RNF220: variants seen among roughly 807,000 people sequenced by gnomAD.
RNF220 encodes the protein E3 ubiquitin-protein ligase RNF220.
A neutral mutation model predicts 67.1 loss-of-function variants in RNF220; 7 were observed. The observed-to-expected ratio is 0.10, with a 90% CI of 0.06 to 0.20. RNF220 has a LOEUF of 0.20. RNF220 is among the 10% of genes least tolerant of loss of function. The pLI is 1.00. For synonymous variants in RNF220, 270 were observed against 283.2 expected, an observed-to-expected ratio of 0.95 and a Z score of 0.47; for missense variants, 565 against 740.3, an observed-to-expected ratio of 0.76 and a Z score of 2.75.
chr1:44,436,238 A>G (rs1244683697), intron 2 of RNF220, among the ~76,000 whole-genome samples: 1 of 152,128 alleles, frequency 6.6e-6, no homozygotes, highest in Non-Finnish European at 1.5e-5. Context: ...CCTCACCTAA[A>G]GCAGCCTGGG....
At chr1:44,609,566 A>AGG (rs1433081389) in intron 2 of RNF220, among the ~76,000 whole-genome samples, 1 of 152,156 alleles carries the variant, frequency 6.6e-6, no homozygotes, top group Non-Finnish European at 1.5e-5. Flanking sequence ...ATGGCAGGGA[A>AGG]GGGGCAGGTT....
intron 2 of RNF220, chr1:44,419,939 T>C (rs969950769): frequency 5.9e-5 from 9 of 152,230 alleles, no homozygotes; most frequent in African/African-American, 1.7e-4. Context: ...TTTCCAAATG[T>C]TTTCCCACAG....
chr1:44,578,787 G>C (rs1436784307), intron 2 of RNF220, among the ~76,000 whole-genome samples: 1 of 152,194 alleles, frequency 6.6e-6, no homozygotes, highest in Non-Finnish European at 1.5e-5. Context: ...AATATCCTGA[G>C]AGTGGGATAA....
intron 2 of RNF220, among the ~76,000 whole-genome samples, chr1:44,433,679 A>G (rs1650651065): frequency 6.6e-6 from 1 of 152,248 alleles, no homozygotes; most frequent in Non-Finnish European, 1.5e-5. Context: ...CTTTAAAAAT[A>G]AAACATAATG....
chr1:44,574,532 G>C lies in RNF220; in HGVS notation c.626-39633G>C, dbSNP rs548744009. Among the ~76,000 whole-genome samples the C allele has an allele frequency of 2.6e-5, 4 of 152,300 alleles. No individual in the cohort carries two copies. The South Asian group carries it at 8.3e-4, about 32-fold the overall frequency. On this transcript the variant is annotated intron_variant, in intron 2 of 14. Coordinates refer to ENST00000361799, the MANE Select transcript of RNF220 (RefSeq NM_018150.4). Reference sequence around the variant, plus strand: ...TGAATCTTTAATACATTTACTTAGAGAAGCCAGACCCAGACAGTTCACCAG... The same window carrying C: ...TGAATCTTTAATACATTTACTTAGACAAGCCAGACCCAGACAGTTCACCAG...
At chr1:44,452,716 CTGCCT>C (rs1006322218) in intron 2 of RNF220, among the ~76,000 whole-genome samples, 4 of 152,174 alleles carry the variant, frequency 2.6e-5, no homozygotes, top group African/African-American at 9.7e-5. Flanking sequence ...AGTGATCCAC[CTGCCT>C]TGGCCTTCTT....
chr1:44,485,804 G>C (rs923326938), intron 2 of RNF220, among the ~76,000 whole-genome samples: 4 of 152,168 alleles, frequency 2.6e-5, no homozygotes, highest in Admixed American at 6.5e-5. Flanking sequence ...AATTACATGG[G>C]AGTTAGCATA....
At chr1:44,421,593 A>T (rs1649220416) in intron 2 of RNF220, among the ~76,000 whole-genome samples, 1 of 59,958 alleles carries the variant, frequency 1.7e-5, no homozygotes, top group Non-Finnish European at 3.2e-5. Flanking sequence ...CAGGACTGAG[A>T]TGGGGGGGCT....
At chr1:44,632,249 G>T in intron 5 of RNF220, 94 bp from the exon 6 acceptor site, 1 of 1,613,550 alleles carries the variant, frequency 6.2e-7, no homozygotes, top group South Asian at 1.1e-5. Context: ...AGCAGCTTTG[G>T]TCGGGGGTCC....
intron 2 of RNF220, among the ~76,000 whole-genome samples, chr1:44,512,741 C>G (rs1333335212): frequency 6.6e-6 from 1 of 152,170 alleles, no homozygotes; most frequent in East Asian, 1.9e-4. Context: ...GCTGGGCAGC[C>G]TGGCCAAGCG....
chr1:44,615,361 C>G (rs990085626), intron 3 of RNF220, among the ~76,000 whole-genome samples: 2 of 152,130 alleles, frequency 1.3e-5, no homozygotes, highest in African/African-American at 4.8e-5. Context: ...ATACACCCCC[C>G]TTTTGATGGG....
At chr1:44,612,296 T>G (rs996110241) in intron 2 of RNF220, among the ~76,000 whole-genome samples, 1 of 152,242 alleles carries the variant, frequency 6.6e-6, no homozygotes, top group Non-Finnish European at 1.5e-5. Context: ...ATCTAGGCTA[T>G]GCCAGACCTG....
rs1361753178 is a variant in RNF220, at chr1:44,621,409, C to A, written c.759-1333C>A. 2.0e-5 allele frequency among the ~76,000 whole-genome samples: 3 copies of A among 152,176 alleles called. No homozygotes were observed. The highest frequency in any genetic ancestry group is 4.4e-5 in the Non-Finnish European group (3 of 68,024). On this transcript the variant is annotated intron_variant, in intron 3 of 14. Coordinates refer to ENST00000361799, the MANE Select transcript of RNF220 (RefSeq NM_018150.4). The surrounding 1 kb of genome is among the most constrained non-coding windows in gnomAD (Gnocchi z 4.8). ...CCTCGGCACAGTTGACATTTGGGGT[C>A]AGATAATTCTTTGCTGTGAGGGGCT...
chr1:44,457,012 CCAGT>C (rs1653258576), intron 2 of RNF220, among the ~76,000 whole-genome samples: 1 of 152,090 alleles, frequency 6.6e-6, no homozygotes, highest in African/African-American at 2.4e-5. Context: ...CCAACTGCCG[CCAGT>C]CTTGCCCAGT....
chr1:44,597,444 C>T (rs558764016), intron 2 of RNF220, among the ~76,000 whole-genome samples: 11 of 148,322 alleles, frequency 7.4e-5, no homozygotes, highest in African/African-American at 1.7e-4. Flanking sequence ...CATACATACA[C>T]GCCCTTCTCT....
At chr1:44,613,358 A>T (rs1028468196) in intron 2 of RNF220, among the ~76,000 whole-genome samples, 1 of 139,038 alleles carries the variant, frequency 7.2e-6, no homozygotes, top group Non-Finnish European at 1.6e-5. Flanking sequence ...ATCCATGGAT[A>T]TGCAGGGATG....
intron 2 of RNF220, among the ~76,000 whole-genome samples, chr1:44,529,976 C>T (rs1217569385): frequency 6.6e-6 from 1 of 151,842 alleles, no homozygotes; most frequent in Non-Finnish European, 1.5e-5. Context: ...ATCGCTTGAA[C>T]CAGGGAGGTG....
At chr1:44,588,817 A>G (rs1414641562) in intron 2 of RNF220, among the ~76,000 whole-genome samples, 2 of 152,196 alleles carry the variant, frequency 1.3e-5, no homozygotes, top group African/African-American at 4.8e-5. Context: ...GGTTCAGGTC[A>G]TGACTACCGA....
intron 2 of RNF220, among the ~76,000 whole-genome samples, chr1:44,465,666 G>A (rs1654212208): frequency 6.6e-6 from 1 of 152,042 alleles, no homozygotes; most frequent in Non-Finnish European, 1.5e-5. Context: ...TCAGTTCCAG[G>A]CCACCACAGT....
Sources: allele counts gnomAD v4.1 joint callset (sites outside exome capture counted in the v4.1 genomes callset), GRCh38; gene constraint gnomAD v4.1.1; non-coding constraint Gnocchi (gnomAD v3.1); transcripts MANE v1.5; gene names NCBI Gene and HGNC (gene_info 2026-07-23, HGNC 2026-07-21).